Variants in DLG2 observed in about 807,000 individuals in gnomAD.
DLG2 encodes disks large homolog 2.
Under a neutral mutation model 132.5 loss-of-function variants are expected in DLG2, and 45 were observed. That is an observed-to-expected ratio of 0.34 (90% CI 0.27 to 0.44). The LOEUF is 0.44. Ranked by LOEUF, DLG2 falls within the 20% of genes least tolerant of loss-of-function variation. The pLI, the probability that DLG2 is intolerant of heterozygous loss-of-function variation, is 1.00. For missense variants in DLG2, 1,045 were observed against 1,196.9 expected (o/e 0.87, Z 1.87); for synonymous variants, 424 against 419.6 (o/e 1.01, Z -0.13).
intron 3 of DLG2, among the ~76,000 whole-genome samples, chr11:85,369,952 A>C (rs1346022291): frequency 1.3e-5 from 2 of 152,220 alleles, no homozygotes; most frequent in East Asian, 3.8e-4. Flanking sequence ...ATCAGCCTTA[A>C]AGATTATTGG....
intron 6 of DLG2, among the ~76,000 whole-genome samples, chr11:84,578,640 C>A (rs2099509060): frequency 6.6e-6 from 1 of 152,144 alleles, no homozygotes; most frequent in African/African-American, 2.4e-5. Context: ...AACTAACTAG[C>A]TTGCTTTTGA....
chr11:83,667,997 A>AAT (rs57027795), intron 18 of DLG2, among the ~76,000 whole-genome samples: 7 of 145,692 alleles, frequency 4.8e-5, no homozygotes, highest in African/African-American at 1.5e-4. Context: ...AAAAAAAAAA[A>AAT]GAAATTAAAG....
chr11:83,670,134 G>A (rs2076591551), intron 18 of DLG2, among the ~76,000 whole-genome samples: 1 of 152,128 alleles, frequency 6.6e-6, no homozygotes, highest in Admixed American at 6.5e-5. Flanking sequence ...GTTCCATGAG[G>A]ATTAGGAGTA....
At chr11:84,312,077 A>G (rs2098293290) in intron 7 of DLG2, among the ~76,000 whole-genome samples, 1 of 152,242 alleles carries the variant, frequency 6.6e-6, no homozygotes. Context: ...TTAAATATTA[A>G]TTGAGCATCT....
chr11:83,485,612 C>T (rs2137653343), intron 21 of DLG2, among the ~76,000 whole-genome samples: 1 of 152,218 alleles, frequency 6.6e-6, no homozygotes, highest in South Asian at 2.1e-4. Context: ...GCAATGGAAG[C>T]TGTTAAGAAT....
chr11:84,369,530 G>A (rs995680088), intron 7 of DLG2, among the ~76,000 whole-genome samples: 3 of 152,032 alleles, frequency 2.0e-5, no homozygotes, highest in Non-Finnish European at 4.4e-5. Flanking sequence ...AGCTTTTCTT[G>A]GGGGGAGATG....
intron 5 of DLG2, among the ~76,000 whole-genome samples, chr11:85,118,759 A>T (rs1239749406): frequency 2.0e-5 from 3 of 152,030 alleles, no homozygotes. Context: ...TTACAATGCC[A>T]GAGTTTTCAC....
intron 17 of DLG2, among the ~76,000 whole-genome samples, chr11:83,800,666 TA>T (rs35829222): frequency 2.0e-5 from 3 of 151,706 alleles, no homozygotes; most frequent in East Asian, 1.9e-4. Flanking sequence ...GGCTTATAGT[TA>T]AAAAAAATTA....
chr11:83,496,482 A>G (rs891763101), intron 21 of DLG2, among the ~76,000 whole-genome samples: 1 of 152,168 alleles, frequency 6.6e-6, no homozygotes, highest in Non-Finnish European at 1.5e-5. Flanking sequence ...ACAGAAAAAC[A>G]TATGTCCACA....
intron 3 of DLG2, chr11:85,524,915 G>A (rs939993406): frequency 2.6e-5 from 4 of 151,586 alleles, no homozygotes; most frequent in East Asian, 2.0e-4. Context: ...TGAGAGAAAC[G>A]TCTGGTATGA....
At chr11:83,722,572 A>G (rs1455673206) in intron 18 of DLG2, among the ~76,000 whole-genome samples, 1 of 152,034 alleles carries the variant, frequency 6.6e-6, no homozygotes, top group Non-Finnish European at 1.5e-5. Context: ...GTGGGGAGTG[A>G]CTCCAGGCTG....
intron 6 of DLG2, among the ~76,000 whole-genome samples, chr11:85,037,160 A>T (rs1242298567): frequency 6.6e-6 from 1 of 152,168 alleles, no homozygotes; most frequent in East Asian, 1.9e-4. Context: ...ATGCATCCAC[A>T]TGTTTTCAAC....
At chr11:85,251,574 A>G (rs1382905388) in intron 4 of DLG2, among the ~76,000 whole-genome samples, 1 of 152,150 alleles carries the variant, frequency 6.6e-6, no homozygotes, top group African/African-American at 2.4e-5. Flanking sequence ...ATAAATAACA[A>G]TTGGTGAGGC....
At chr11:85,151,188 T>A (rs1276718824) in intron 5 of DLG2, among the ~76,000 whole-genome samples, 2 of 152,200 alleles carry the variant, frequency 1.3e-5, no homozygotes, top group African/African-American at 4.8e-5. Flanking sequence ...TCTATTCAAG[T>A]CTTTTGTCCA....
At chr11:83,869,992 G>T (rs2063121910) in intron 16 of DLG2, among the ~76,000 whole-genome samples, 1 of 152,156 alleles carries the variant, frequency 6.6e-6, no homozygotes, top group Admixed American at 6.5e-5. Flanking sequence ...AATGCTTCTA[G>T]GTTTTTGCAC....
intron 7 of DLG2, among the ~76,000 whole-genome samples, chr11:84,437,976 T>G (rs2099006022): frequency 6.6e-6 from 1 of 151,898 alleles, no homozygotes; most frequent in Admixed American, 6.6e-5. Flanking sequence ...AATCAGCCAA[T>G]ACAGGAATTG....
chr11:85,456,938 T>G (rs981130668), intron 3 of DLG2, among the ~76,000 whole-genome samples: 2 of 152,172 alleles, frequency 1.3e-5, no homozygotes, highest in African/African-American at 4.8e-5. Context: ...CTGCAGGGTT[T>G]TATTAGGCCC....
intron 9 of DLG2, among the ~76,000 whole-genome samples, chr11:84,127,992 G>T (rs1481150341): frequency 6.6e-6 from 1 of 152,096 alleles, no homozygotes; most frequent in Admixed American, 6.6e-5. Context: ...TATTCTAAAA[G>T]CTTTATTTGC....
chr11:84,168,826 T>TACAAAC (rs1555393274), intron 8 of DLG2, among the ~76,000 whole-genome samples: 3 of 147,994 alleles, frequency 2.0e-5, no homozygotes, highest in Admixed American at 1.3e-4. Context: ...CACACACACA[T>TACAAAC]ACACACACAC....
Sources: allele counts gnomAD v4.1 joint callset (sites outside exome capture counted in the v4.1 genomes callset), GRCh38; gene constraint gnomAD v4.1.1; transcripts MANE v1.5; gene names NCBI Gene and HGNC (gene_info 2026-07-23, HGNC 2026-07-21).